Variants in NXPE2 observed in about 807,000 individuals in gnomAD.
The protein encoded by NXPE2 is neurexophilin and PC-esterase domain family member 2, also known as NXPE family member 2.
A neutral mutation model predicts 34.4 loss-of-function variants in NXPE2; 34 were observed. The observed-to-expected ratio is 0.99, with a 90% CI of 0.75 to 1.31. NXPE2 has a LOEUF of 1.31. Among genes scored for constraint, NXPE2 ranks in the 40% most tolerant of loss-of-function variants. The pLI is 0.00. For synonymous variants in NXPE2, 235 were observed against 231.3 expected (o/e 1.02, Z -0.15); for missense variants, 649 against 672.5 (o/e 0.97, Z 0.39).
the NXPE2 span, among the ~76,000 whole-genome samples, chr11:114,757,881 C>G: frequency 6.6e-6 from 1 of 152,106 alleles, no homozygotes. Context: ...TAAATGAGTT[C>G]TCAGGCCATT....
chr11:114,600,726 G>A, the NXPE2 span, among the ~76,000 whole-genome samples: 3 of 151,970 alleles, frequency 2.0e-5, no homozygotes, highest in Non-Finnish European at 2.9e-5. Context: ...AAAAAAGTCT[G>A]TAATTTCACT....
chr11:114,714,854 C>T, the NXPE2 span, among the ~76,000 whole-genome samples: 1 of 152,098 alleles, frequency 6.6e-6, no homozygotes, highest in South Asian at 2.1e-4. Flanking sequence ...AAACTCCGTG[C>T]CTACTAAAAA....
chr11:114,688,400 A>G (rs1951085694), intron 2 of NXPE2, among the ~76,000 whole-genome samples: 1 of 152,168 alleles, frequency 6.6e-6, no homozygotes, highest in South Asian at 2.1e-4. Flanking sequence ...ATTGATTTGC[A>G]TATGTTAAAC....
At chr11:114,581,923 A>G in the NXPE2 span, 4 of 666,094 alleles carry the variant, frequency 6.0e-6, no homozygotes, top group Non-Finnish European at 1.0e-5. Context: ...GCCATTTAGT[A>G]AATTTCCATT....
chr11:114,698,327 T>C lies in NXPE2; in HGVS notation c.415T>C (p.Leu139=), dbSNP rs747966012. Residue 139 remains leucine, a synonymous_variant, in exon 3 of 6, where the codon TTG becomes CTG. Transcript: ENST00000389586. ...CATCCTTCTGGAGGTGAGGGACCAC[T>C]TGGGACACAGGAAGCAATATGGTGG... ...LDILLEVRDH[L]GHRKQYGGDF... The C allele has an allele frequency of 3.7e-6, 6 of 1,613,898 alleles. No individual in the cohort carries two copies. Among genetic ancestry groups the C allele is most frequent in the African/African-American group, 1.3e-5 (1 of 74,890 alleles).
the NXPE2 span, among the ~76,000 whole-genome samples, chr11:114,788,933 A>C: frequency 6.6e-6 from 1 of 152,216 alleles, no homozygotes; most frequent in East Asian, 1.9e-4. Flanking sequence ...CCTAGCAAGT[A>C]GGTGGTGTTC....
chr11:114,486,898 C>G, the NXPE2 span, among the ~76,000 whole-genome samples: 1 of 151,944 alleles, frequency 6.6e-6, no homozygotes, highest in African/African-American at 2.4e-5. Flanking sequence ...GTTTACAATA[C>G]GTCTGTAGTA....
chr11:114,648,723 C>A, the NXPE2 span, among the ~76,000 whole-genome samples: 1 of 152,146 alleles, frequency 6.6e-6, no homozygotes, highest in African/African-American at 2.4e-5. Flanking sequence ...ATATATGATA[C>A]AACTATCCCG....
chr11:114,723,853 C>T, the NXPE2 span, among the ~76,000 whole-genome samples: 1 of 152,128 alleles, frequency 6.6e-6, no homozygotes, highest in Non-Finnish European at 1.5e-5. Flanking sequence ...GAAGGAAGGA[C>T]ATATGGAATC....
chr11:114,574,653 T>C, the NXPE2 span, among the ~76,000 whole-genome samples: 1 of 152,128 alleles, frequency 6.6e-6, no homozygotes, highest in Non-Finnish European at 1.5e-5. Flanking sequence ...CAGGAAGATA[T>C]AGAATCTCTG....
At chr11:114,617,756 A>G in the NXPE2 span, among the ~76,000 whole-genome samples, 1 of 152,094 alleles carries the variant, frequency 6.6e-6, no homozygotes, top group Admixed American at 6.6e-5. Context: ...AACCACTGTT[A>G]CCATGTGGAT....
At chr11:114,522,810 A>T in the NXPE2 span, 1 of 1,121,180 alleles carries the variant, frequency 8.9e-7, no homozygotes, top group Middle Eastern at 2.1e-4. Flanking sequence ...AAACGAGAGA[A>T]TAGAGACCTC....
chr11:114,581,445 A>G, the NXPE2 span, among the ~76,000 whole-genome samples: 4 of 152,140 alleles, frequency 2.6e-5, no homozygotes, highest in Admixed American at 6.6e-5. Context: ...TAGAATTGGG[A>G]AAGAGTTAAC....
At chr11:114,507,836 A>G in the NXPE2 span, among the ~76,000 whole-genome samples, 2 of 152,108 alleles carry the variant, frequency 1.3e-5, no homozygotes, top group Non-Finnish European at 2.9e-5. Flanking sequence ...CCAACACAAG[A>G]CAAGGATGCC....
the NXPE2 span, among the ~76,000 whole-genome samples, chr11:114,729,680 T>C: frequency 7.2e-5 from 11 of 152,276 alleles, no homozygotes; most frequent in African/African-American, 2.2e-4. Context: ...TTTTTTCACA[T>C]TCGTTGGCCA....
chr11:114,484,595 G>T, the NXPE2 span, among the ~76,000 whole-genome samples: 2 of 152,146 alleles, frequency 1.3e-5, no homozygotes, highest in African/African-American at 4.8e-5. Context: ...AGGGATATTA[G>T]AAATCCCCGT....
At chr11:114,799,848 C>T in the NXPE2 span, among the ~76,000 whole-genome samples, 2 of 151,210 alleles carry the variant, frequency 1.3e-5, no homozygotes, top group African/African-American at 4.9e-5. Flanking sequence ...TAACAGTTCC[C>T]CTCCCTCCCT....
the NXPE2 span, among the ~76,000 whole-genome samples, chr11:114,605,789 G>A: frequency 1.3e-5 from 2 of 151,610 alleles, no homozygotes; most frequent in African/African-American, 4.9e-5. Context: ...TGGATAATAA[G>A]TATTGCCTCT....
the NXPE2 span, among the ~76,000 whole-genome samples, chr11:114,803,899 G>T: frequency 6.6e-6 from 1 of 152,134 alleles, no homozygotes; most frequent in Non-Finnish European, 1.5e-5. Flanking sequence ...CTTGTATAAG[G>T]GCACTAATCT....
Sources: gnomAD v4.1 joint callset for allele counts (sites outside exome capture counted in the v4.1 genomes callset) on GRCh38, gnomAD v4.1.1 for gene constraint, MANE v1.5 for transcripts, NCBI Gene and HGNC (gene_info 2026-07-23, HGNC 2026-07-21) for gene names.